The following PIEZO2 variants were observed in gnomAD, a reference collection of about 807,000 sequenced individuals.
PIEZO2 encodes the protein piezo-type mechanosensitive ion channel component 2.
In PIEZO2, 172 loss-of-function variants were observed where a neutral mutation model predicts 337.3. The ratio of observed to expected loss-of-function variants is 0.51; its 90% CI spans 0.45 to 0.58. PIEZO2 has a LOEUF of 0.58. Among genes scored for constraint, PIEZO2 ranks in the 20% least tolerant of loss-of-function variants. PIEZO2 has a pLI of 0.00. For missense variants in PIEZO2, 3,028 were observed against 3,391.3 expected, an observed-to-expected ratio of 0.89 and a Z score of 2.66; for synonymous variants, 1,251 against 1,228.5, an observed-to-expected ratio of 1.02 and a Z score of -0.38.
At chr18:10,997,942 G>T (rs2625349) in intron 2 of PIEZO2, among the ~76,000 whole-genome samples, 2 of 151,902 alleles carry the variant, frequency 1.3e-5, no homozygotes, top group Admixed American at 1.3e-4. Context: ...AGTAGGATGA[G>T]CTCAAAGAAA....
chr18:10,823,249 T>C (rs892932010), intron 7 of PIEZO2, among the ~76,000 whole-genome samples: 33 of 152,320 alleles, frequency 2.2e-4, no homozygotes, highest in African/African-American at 7.7e-4. Flanking sequence ...GAATAATTAA[T>C]TTGAGCTTTC....
At chr18:10,939,081 A>AAAG (rs71252512) in intron 3 of PIEZO2, among the ~76,000 whole-genome samples, 22 of 151,168 alleles carry the variant, frequency 1.5e-4, no homozygotes, top group African/African-American at 5.1e-4. Flanking sequence ...AAACAAAACA[A>AAAG]AAAAAAAATG....
At chr18:11,140,938 A>C (rs1170697146) in intron 1 of PIEZO2, among the ~76,000 whole-genome samples, 1 of 152,180 alleles carries the variant, frequency 6.6e-6, no homozygotes, top group African/African-American at 2.4e-5. Flanking sequence ...TCCTACCTCC[A>C]GCCTTCAGCT....
At chr18:10,710,628 G>A (rs4797467) in intron 39 of PIEZO2, among the ~76,000 whole-genome samples, 44,020 of 152,152 alleles carry the variant, frequency 0.29, 6,533 homozygotes, top group East Asian at 0.4. Flanking sequence ...CCCAGACTCT[G>A]TCTACTGTCT....
Position 10,797,379 on chromosome 18 carries a change from T to C in PIEZO2, c.1522A>G (p.Met508Val). ...KQSYICALIAMMAWSITYHSW... is the reference protein window; with the variant it reads ...KQSYICALIAVMAWSITYHSW... ...TATCATCATATCATACATACCATCA[T>C]AGCTATGAGGGCACAGATGTAACTT... Residue 508 changes from methionine to valine, a missense_variant, in exon 12 of 56, where the codon ATG becomes GTG. Physicochemically the swap from Met to Val is conservative, Grantham distance 21 (BLOSUM62 1). Coordinates refer to ENST00000674853, the MANE Select transcript of PIEZO2 (RefSeq NM_001378183.1). 6.5e-7 allele frequency: 1 copy of C among 1,535,302 alleles called. No homozygotes were observed.
intron 1 of PIEZO2, among the ~76,000 whole-genome samples, chr18:11,100,855 A>G (rs1224661635): frequency 6.6e-6 from 1 of 152,174 alleles, no homozygotes; most frequent in Non-Finnish European, 1.5e-5. Flanking sequence ...TTGGCCTCCC[A>G]AAGTGCTGGG....
intron 39 of PIEZO2, among the ~76,000 whole-genome samples, chr18:10,712,092 A>T (rs1043635858): frequency 2.0e-5 from 3 of 152,256 alleles, no homozygotes; most frequent in Non-Finnish European, 4.4e-5. Context: ...TTGTTTGATC[A>T]TGAATAGTTC....
At chr18:10,736,475 G>C in intron 34 of PIEZO2, 129 bp downstream of exon 34, 1 of 1,273,334 alleles carries the variant, frequency 7.9e-7, no homozygotes, top group South Asian at 1.6e-5. Flanking sequence ...AAGAATTGCA[G>C]ATGTAAATCA....
intron 36 of PIEZO2, chr18:10,725,281 T>C (rs1273401978): frequency 6.4e-7 from 1 of 1,567,158 alleles, no homozygotes; most frequent in Non-Finnish European, 8.8e-7. Flanking sequence ...GTGCCAGATA[T>C]GGTCCATTGT....
intron 7 of PIEZO2, among the ~76,000 whole-genome samples, chr18:10,836,918 T>G (rs2041032804): frequency 6.6e-6 from 1 of 152,148 alleles, no homozygotes; most frequent in African/African-American, 2.4e-5. Flanking sequence ...AATATTTGGT[T>G]TTTTGCCAAG....
In PIEZO2 at chr18:10,854,486, T is replaced by C. The variant is rs2041646597; in HGVS notation, c.917+867A>G. Among the ~76,000 whole-genome samples, 1 of 152,248 alleles carries C rather than the reference T, an allele frequency of 6.6e-6. No homozygotes were observed. Among genetic ancestry groups the C allele is most frequent in the African/African-American group, 2.4e-5 (1 of 41,462 alleles). ...GAATAGTAATTCTCTAATTCTATTATTCCTTTGCCCTGTCATTATCTAACA... is the reference window on the plus strand; with the variant it reads ...GAATAGTAATTCTCTAATTCTATTACTCCTTTGCCCTGTCATTATCTAACA... On this transcript the variant is annotated intron_variant, in intron 7 of 55. Transcript: ENST00000674853. The surrounding 1 kb of genome is among the most constrained non-coding windows in gnomAD (Gnocchi z 4.6).
chr18:10,782,336 A>AATTATAATATATTATAATTATATATAT (rs2039033940), intron 17 of PIEZO2, among the ~76,000 whole-genome samples: 1 of 28,702 alleles, frequency 3.5e-5, no homozygotes, highest in South Asian at 1.2e-3. Context: ...ATTATATATA[A>AATTATAATATATTATAATTATATATAT]ATAATTATAA....
At chr18:10,674,698 C>CAG (rs2033916529) in intron 54 of PIEZO2, among the ~76,000 whole-genome samples, 1 of 152,222 alleles carries the variant, frequency 6.6e-6, no homozygotes, top group Non-Finnish European at 1.5e-5. Context: ...TGGTTCAAGC[C>CAG]ATGAAGTCAA....
At chr18:11,115,228 T>C (rs1256148879) in intron 1 of PIEZO2, among the ~76,000 whole-genome samples, 1 of 152,220 alleles carries the variant, frequency 6.6e-6, no homozygotes, top group African/African-American at 2.4e-5. Flanking sequence ...TTGGGATAAA[T>C]AAATATGTTC....
At position 10,982,896 on chromosome 18, in the gene PIEZO2, T is replaced by C. The variant is rs956380458; in HGVS notation, c.161-3236A>G. Among the ~76,000 whole-genome samples the C allele has an allele frequency of 7.9e-5, 12 of 152,050 alleles. No homozygotes were observed. Among genetic ancestry groups the C allele is most frequent in the Non-Finnish European group, 1.6e-4 (11 of 68,014 alleles). ...CTACCAAACCTGACTAATTTTTGTATTTTTGGTAGAGATGGGGTTTTGCCA... is the reference window on the plus strand; with the variant it reads ...CTACCAAACCTGACTAATTTTTGTACTTTTGGTAGAGATGGGGTTTTGCCA... On this transcript the variant is annotated intron_variant, in intron 2 of 55. Transcript: ENST00000674853. The surrounding 1 kb of genome is among the most constrained non-coding windows in gnomAD (Gnocchi z 4.1).
rs954163493 is a variant in PIEZO2, at chr18:11,078,720, G to A, written c.65-12498C>T. Reference sequence around the variant, plus strand: ...CCTCTGACCACAGTGTGAAAACCTCGCTCCCAGAGCAACATCCAAATAGCA... The same window carrying A: ...CCTCTGACCACAGTGTGAAAACCTCACTCCCAGAGCAACATCCAAATAGCA... On this transcript the variant is annotated intron_variant, in intron 1 of 55. Transcript: ENST00000674853. This position sits in a 1 kb window ranked among gnomAD's most constrained non-coding sequence, Gnocchi z 5.3. Among the ~76,000 whole-genome samples, 2 of 152,100 alleles carry A rather than the reference G, an allele frequency of 1.3e-5. No individual in the cohort carries two copies. The highest frequency in any genetic ancestry group is 2.4e-5 in the African/African-American group (1 of 41,416).
intron 2 of PIEZO2, among the ~76,000 whole-genome samples, chr18:10,992,929 T>G (rs1027654656): frequency 2.0e-5 from 3 of 152,228 alleles, no homozygotes; most frequent in African/African-American, 7.2e-5. Flanking sequence ...TAGTTCTCCT[T>G]GAAGAGGTCT....
At chr18:11,108,970 C>A (rs189869333) in intron 1 of PIEZO2, among the ~76,000 whole-genome samples, 2 of 152,348 alleles carry the variant, frequency 1.3e-5, no homozygotes, top group South Asian at 2.1e-4. Context: ...ACAAAGTTAT[C>A]TTTCCTTGGG....
intron 7 of PIEZO2, among the ~76,000 whole-genome samples, chr18:10,817,141 T>C (rs2040387874): frequency 6.6e-6 from 1 of 152,220 alleles, no homozygotes; most frequent in Non-Finnish European, 1.5e-5. Context: ...TTAAAGTCAG[T>C]TGGAAAGTTC....
Sources: allele counts gnomAD v4.1 joint callset (sites outside exome capture counted in the v4.1 genomes callset), GRCh38; gene constraint gnomAD v4.1.1; non-coding constraint Gnocchi (gnomAD v3.1); transcripts MANE v1.5; gene names NCBI Gene and HGNC (gene_info 2026-07-23, HGNC 2026-07-21).